Variants in PUS7 observed in about 807,000 individuals in gnomAD.
PUS7 encodes the protein pseudouridine synthase 7.
Under a neutral mutation model 79.8 loss-of-function variants are expected in PUS7, and 48 were observed. The observed-to-expected ratio is 0.60, with a 90% confidence interval of 0.48 to 0.76. The LOEUF is 0.76. Ranked by LOEUF, PUS7 falls within the 30% of genes least tolerant of loss-of-function variation. The pLI is 0.00. For synonymous variants in PUS7, 286 were observed against 272.2 expected (o/e 1.05, Z -0.50); for missense variants, 729 against 797.6 (o/e 0.91, Z 1.04).
chr7:105,509,184 C>CAAAAAAAAAAAAAAAAAAAAAAAAAAA (rs57095427), intron 1 of PUS7, among the ~76,000 whole-genome samples: 5 of 55,712 alleles, frequency 9.0e-5, no homozygotes, highest in Admixed American at 3.3e-4. Flanking sequence ...GACTCCATCT[C>CAAAAAAAAAAAAAAAAAAAAAAAAAAA]AAAAAAAAAA....
chr7:105,460,646 A>T (rs1358163247), intron 14 of PUS7, among the ~76,000 whole-genome samples: 1 of 151,638 alleles, frequency 6.6e-6, no homozygotes, highest in Non-Finnish European at 1.5e-5. Flanking sequence ...CGAGGTCAGG[A>T]GATCGAGACC....
intron 12 of PUS7, among the ~76,000 whole-genome samples, chr7:105,467,723 G>A (rs909437648): frequency 1.3e-5 from 2 of 151,952 alleles, no homozygotes; most frequent in African/African-American, 2.4e-5. Context: ...AGAAAAGGGA[G>A]GCCCAGAGAG....
chr7:105,468,356 C>T lies in PUS7; in HGVS notation c.1506G>A (p.Gly502=), dbSNP rs938183245. ...TTTTACCTCCTTTGAGAACGAGGTC[C>T]CCTGGAACAGGTTTTAGTCCATAGT... is the stretch of plus-strand genomic sequence containing the variant. ...IEDYGLKPVP[G]DLVLKGATAT... The change falls in exon 12 of 16, where the codon GGG becomes GGA. Residue 502 remains glycine (G), a synonymous_variant. Coordinates refer to ENST00000469408, the MANE Select transcript of PUS7 (RefSeq NM_019042.5). 1 of 1,613,198 alleles carries T rather than the reference C, an allele frequency of 6.2e-7. No individual in the cohort carries two copies.
chr7:105,515,062 G>C (rs1825844788), intron 1 of PUS7, among the ~76,000 whole-genome samples: 1 of 152,130 alleles, frequency 6.6e-6, no homozygotes, highest in Non-Finnish European at 1.5e-5. Flanking sequence ...CCAAAGTGCT[G>C]GGATTACAGG....
chr7:105,464,742 G>A (rs1659075103), intron 13 of PUS7, among the ~76,000 whole-genome samples: 1 of 151,622 alleles, frequency 6.6e-6, no homozygotes, highest in Admixed American at 6.6e-5. Flanking sequence ...CCCATTTGCA[G>A]ATGGCCTGTC....
At chr7:105,521,820 G>C (rs117401720) in intron 1 of PUS7, among the ~76,000 whole-genome samples, 2 of 151,328 alleles carry the variant, frequency 1.3e-5, no homozygotes, top group African/African-American at 4.9e-5. Flanking sequence ...CGGGGAGCGG[G>C]GAGCGGAGAG....
intron 5 of PUS7, among the ~76,000 whole-genome samples, chr7:105,500,382 T>C (rs976106881): frequency 3.3e-5 from 5 of 152,060 alleles, no homozygotes; most frequent in African/African-American, 1.2e-4. Flanking sequence ...TGGCGCTGTG[T>C]TTAATGAAGG....
intron 5 of PUS7, among the ~76,000 whole-genome samples, chr7:105,501,629 T>C (rs1461741924): frequency 3.3e-5 from 5 of 152,070 alleles, no homozygotes; most frequent in Admixed American, 3.3e-4. Context: ...TCTTTCAATA[T>C]AGGGGCCTGG....
At chr7:105,509,678 A>G (rs914429390) in intron 1 of PUS7, among the ~76,000 whole-genome samples, 1 of 152,012 alleles carries the variant, frequency 6.6e-6, no homozygotes, top group African/African-American at 2.4e-5. Context: ...AGGTCTCGCT[A>G]TTATTGCTCA....
intron 9 of PUS7, among the ~76,000 whole-genome samples, 165 bp downstream of exon 9, chr7:105,480,887 G>T (rs147371147): frequency 1.3e-5 from 2 of 152,262 alleles, no homozygotes; most frequent in East Asian, 3.9e-4. Context: ...TTTGAACTCC[G>T]ATTTTTTACC....
chr7:105,500,375 C>T (rs148023509), intron 5 of PUS7, among the ~76,000 whole-genome samples: 7 of 152,188 alleles, frequency 4.6e-5, no homozygotes, highest in East Asian at 3.9e-4. Context: ...AGAGACCTGG[C>T]GCTGTGTTTA....
intron 1 of PUS7, among the ~76,000 whole-genome samples, chr7:105,510,270 A>G (rs1288947444): frequency 6.6e-6 from 1 of 152,132 alleles, no homozygotes; most frequent in Non-Finnish European, 1.5e-5. Context: ...TTTGCACTCC[A>G]GCCTGGGCAA....
chr7:105,515,190 T>G (rs1825849639), intron 1 of PUS7, among the ~76,000 whole-genome samples: 1 of 152,178 alleles, frequency 6.6e-6, no homozygotes, highest in Non-Finnish European at 1.5e-5. Flanking sequence ...AGAAAACCCA[T>G]AACTATTACA....
rs1825035828 is a variant in PUS7 at position 105,496,317 on chromosome 7, CT to C, written c.731-1065del. On this transcript the variant is annotated intron_variant, in intron 5 of 15. Coordinates refer to ENST00000469408, the MANE Select transcript of PUS7 (RefSeq NM_019042.5). The stretch of plus-strand genomic sequence containing the variant: ...TGCTCAAAATGTTTTTTTTTAAGTA[CT>C]TTGGGAAAAATATGTAAGCCTAAAC... Among the ~76,000 whole-genome samples the C allele has an allele frequency of 3.4e-5, 5 of 146,304 alleles. No individual in the cohort carries two copies. The East Asian group carries it at 1.0e-3, about 30-fold the overall frequency.
At chr7:105,485,971 C>T (rs1325214117) in intron 7 of PUS7, among the ~76,000 whole-genome samples, 2 of 152,000 alleles carry the variant, frequency 1.3e-5, no homozygotes, top group East Asian at 1.9e-4. Context: ...CCCTGGCCTC[C>T]GAAAGTGCTG....
At chr7:105,513,593 G>A (rs1228364073) in intron 1 of PUS7, among the ~76,000 whole-genome samples, 1 of 149,782 alleles carries the variant, frequency 6.7e-6, no homozygotes, top group Non-Finnish European at 1.5e-5. Flanking sequence ...GCCAAGGCAG[G>A]TGGATCGCCA....
chr7:105,505,395 A>G (rs1214583658), intron 4 of PUS7, among the ~76,000 whole-genome samples: 1 of 152,114 alleles, frequency 6.6e-6, no homozygotes, highest in Non-Finnish European at 1.5e-5. Context: ...TGAGCAAATA[A>G]ATGCTCCCCT....
At chr7:105,514,477 G>A (rs926571175) in intron 1 of PUS7, among the ~76,000 whole-genome samples, 1 of 150,500 alleles carries the variant, frequency 6.6e-6, no homozygotes, top group Non-Finnish European at 1.5e-5. Context: ...GGTGACGGGC[G>A]CCTGTAGTCC....
intron 2 of PUS7, among the ~76,000 whole-genome samples, chr7:105,506,535 G>A (rs917803497): frequency 2.6e-5 from 4 of 151,222 alleles, no homozygotes; most frequent in East Asian, 2.0e-4. Flanking sequence ...TGATTCTCCC[G>A]CCTCAGCCTC....
Sources: gnomAD v4.1 joint callset for allele counts (sites outside exome capture counted in the v4.1 genomes callset) on GRCh38, gnomAD v4.1.1 for gene constraint, MANE v1.5 for transcripts, NCBI Gene and HGNC (gene_info 2026-07-23, HGNC 2026-07-21) for gene names.